Variants in ATXN2 observed in about 807,000 individuals in gnomAD.
ATXN2 encodes ataxin 2, also known as ataxin-2.
ATXN2 carries 37 observed loss-of-function variants against 138.6 expected under a neutral mutation model. The ratio of observed to expected loss-of-function variants is 0.27; its 90% CI spans 0.21 to 0.35. The LOEUF (loss-of-function observed/expected upper bound fraction) is 0.35. ATXN2 is among the 10% of genes least tolerant of loss of function. ATXN2 has a pLI of 1.00. For synonymous variants in ATXN2, 549 were observed against 543.7 expected (o/e 1.01, Z -0.13); for missense variants, 1,216 against 1,480.3 (o/e 0.82, Z 2.93).
At chr12:111,462,155 C>T (rs1438244416) in intron 21 of ATXN2, among the ~76,000 whole-genome samples, 1 of 152,134 alleles carries the variant, frequency 6.6e-6, no homozygotes, top group Non-Finnish European at 1.5e-5. Flanking sequence ...ATTTATAAAA[C>T]TTTAGTCTTC....
intron 18 of ATXN2, among the ~76,000 whole-genome samples, chr12:111,477,409 A>C (rs1027649818): frequency 2.0e-5 from 3 of 152,020 alleles, no homozygotes; most frequent in Non-Finnish European, 2.9e-5. Flanking sequence ...GTGCCAGAGA[A>C]ACCGAGTAAA....
chr12:111,547,608 C>T (rs1010820963), intron 5 of ATXN2, among the ~76,000 whole-genome samples: 1 of 151,734 alleles, frequency 6.6e-6, no homozygotes, highest in Non-Finnish European at 1.5e-5. Context: ...GCCTGTAATC[C>T]CAGCTACTCG....
chr12:111,545,975 A>G (rs1881780262), intron 5 of ATXN2, among the ~76,000 whole-genome samples: 1 of 151,926 alleles, frequency 6.6e-6, no homozygotes, highest in South Asian at 2.1e-4. Flanking sequence ...AAAAAAAAAA[A>G]AAAAGATGGC....
chr12:111,539,666 A>C (rs1881384600), intron 5 of ATXN2, among the ~76,000 whole-genome samples: 1 of 149,606 alleles, frequency 6.7e-6, no homozygotes, highest in Admixed American at 6.7e-5. Flanking sequence ...AGAAAATGGC[A>C]TGAACCCGGG....
intron 1 of ATXN2, among the ~76,000 whole-genome samples, chr12:111,576,477 T>G (rs1231689681): frequency 6.6e-6 from 1 of 151,910 alleles, no homozygotes; most frequent in Non-Finnish European, 1.5e-5. Flanking sequence ...CAGTCACATA[T>G]TCAACAAATT....
intron 1 of ATXN2, among the ~76,000 whole-genome samples, chr12:111,559,044 A>C (rs1006973687): frequency 6.6e-6 from 1 of 151,948 alleles, no homozygotes; most frequent in Non-Finnish European, 1.5e-5. Context: ...GAGAAACATT[A>C]AGATGGAAGA....
chr12:111,477,313 A>G (rs1333545069), intron 18 of ATXN2, among the ~76,000 whole-genome samples: 1 of 152,154 alleles, frequency 6.6e-6, no homozygotes, highest in South Asian at 2.1e-4. Context: ...AGGTCACACT[A>G]CTGCACTCCA....
intron 14 of ATXN2, among the ~76,000 whole-genome samples, chr12:111,493,446 T>A (rs899682382): frequency 7.2e-6 from 1 of 138,864 alleles, no homozygotes; most frequent in Admixed American, 6.8e-5. Flanking sequence ...AAAAAAGTTC[T>A]TCAATCTGCA....
chr12:111,514,296 T>C lies in ATXN2; in HGVS notation c.1376-757A>G, dbSNP rs184856693. On this transcript the variant is annotated intron_variant, in intron 10 of 24. Transcript: ENST00000673436. ...TATGAATTGTCAAAATTCTACATTA[T>C]TGATTCTGCCATGCCACTAGTGACT... is the stretch of plus-strand genomic sequence containing the variant. 4.1e-4 allele frequency among the ~76,000 whole-genome samples: 63 copies of C among 152,316 alleles called. 1 individual carries two copies. The highest frequency in any genetic ancestry group is 3.2e-3 in the Admixed American group (49 of 15,290).
At chr12:111,540,439 A>C (rs934668711) in intron 5 of ATXN2, among the ~76,000 whole-genome samples, 3 of 150,682 alleles carry the variant, frequency 2.0e-5, no homozygotes, top group African/African-American at 7.3e-5. Context: ...CAACTCCCTC[A>C]GTACCACTAA....
intron 5 of ATXN2, among the ~76,000 whole-genome samples, chr12:111,534,305 G>A (rs571653220): frequency 6.6e-6 from 1 of 151,942 alleles, no homozygotes; most frequent in Non-Finnish European, 1.5e-5. Context: ...GGAGGCTGAG[G>A]TGGGAGAATC....
At chr12:111,525,928 C>T (rs760829633) in intron 5 of ATXN2, among the ~76,000 whole-genome samples, 6 of 152,012 alleles carry the variant, frequency 3.9e-5, no homozygotes, top group Non-Finnish European at 7.4e-5. Context: ...GTGATACCCC[C>T]ACCTTGGCCT....
At chr12:111,455,000 G>A in intron 23 of ATXN2, 2 of 702,432 alleles carry the variant, frequency 2.8e-6, no homozygotes, top group Non-Finnish European at 5.2e-6. Context: ...AAACTTTGCA[G>A]GGTGAGGACG....
chr12:111,544,774 A>G (rs1395918850), intron 5 of ATXN2, among the ~76,000 whole-genome samples: 1 of 152,238 alleles, frequency 6.6e-6, no homozygotes, highest in Non-Finnish European at 1.5e-5. Context: ...AAGTGCAGCA[A>G]TAAAGACAGA....
intron 1 of ATXN2, among the ~76,000 whole-genome samples, chr12:111,572,438 G>A (rs895699393): frequency 2.6e-5 from 4 of 151,778 alleles, no homozygotes; most frequent in South Asian, 2.1e-4. Context: ...GGCCCTTTAC[G>A]AAGTTTGACA....
intron 1 of ATXN2, among the ~76,000 whole-genome samples, chr12:111,573,086 T>A (rs927186845): frequency 1.3e-5 from 2 of 152,056 alleles, no homozygotes; most frequent in Non-Finnish European, 2.9e-5. Context: ...TGATTGAAAC[T>A]CACTGATAGA....
intron 3 of ATXN2, 56 bp downstream of exon 3, chr12:111,554,102 G>T (rs1382499797): frequency 5.2e-6 from 6 of 1,145,002 alleles, no homozygotes; most frequent in Non-Finnish European, 1.2e-6. Context: ...TTAACTTCAT[G>T]GAATTACTTT....
chr12:111,490,120 T>C (rs951682865), intron 14 of ATXN2, among the ~76,000 whole-genome samples: 10 of 150,206 alleles, frequency 6.7e-5, no homozygotes, highest in Admixed American at 1.3e-4. Flanking sequence ...CATATGAGAA[T>C]TGCTTGAACC....
chr12:111,568,631 T>G (rs1374268814), intron 1 of ATXN2, among the ~76,000 whole-genome samples: 1 of 152,216 alleles, frequency 6.6e-6, no homozygotes, highest in African/African-American at 2.4e-5. Context: ...TGGCTGCCCC[T>G]TTCTTGTTAG....
Sources: allele counts gnomAD v4.1 joint callset (sites outside exome capture counted in the v4.1 genomes callset), GRCh38; gene constraint gnomAD v4.1.1; transcripts MANE v1.5; gene names NCBI Gene and HGNC (gene_info 2026-07-23, HGNC 2026-07-21).